FANK1: variants seen among roughly 807,000 people sequenced by gnomAD.
The protein encoded by FANK1 is fibronectin type III and ankyrin repeat domains 1.
Under a neutral mutation model 45.3 loss-of-function variants are expected in FANK1, and 44 were observed. The ratio of observed to expected loss-of-function variants is 0.97; its 90% CI spans 0.76 to 1.25. The LOEUF is 1.25. Among genes scored for constraint, FANK1 ranks in the 50% most tolerant of loss-of-function variants. FANK1 has a pLI of 0.00. For synonymous variants in FANK1, 149 were observed against 152.5 expected, an observed-to-expected ratio of 0.98 and a Z score of 0.17; for missense variants, 391 against 424.4, an observed-to-expected ratio of 0.92 and a Z score of 0.69.
At chr10:125,912,487 T>TG (rs1491372418) in intron 1 of FANK1, among the ~76,000 whole-genome samples, 30 of 141,910 alleles carry the variant, frequency 2.1e-4, no homozygotes, top group Middle Eastern at 3.7e-3. Flanking sequence ...TGTGTGTGTG[T>TG]TTTTGAGATT....
intron 2 of FANK1, among the ~76,000 whole-genome samples, chr10:125,984,198 G>A (rs548143565): frequency 3.5e-4 from 53 of 152,168 alleles, no homozygotes; most frequent in African/African-American, 1.2e-3. Flanking sequence ...ACCGTGGGTC[G>A]GCCAGGGCTC....
intron 1 of FANK1, among the ~76,000 whole-genome samples, chr10:125,926,612 T>C (rs1160426736): frequency 6.6e-6 from 1 of 152,306 alleles, no homozygotes; most frequent in African/African-American, 2.4e-5. Flanking sequence ...GTCAAAGTTG[T>C]TTTGATATAT....
intron 4 of FANK1, 63 bp downstream of exon 4, chr10:125,995,561 C>G: frequency 6.8e-7 from 1 of 1,463,616 alleles, no homozygotes; most frequent in Non-Finnish European, 9.6e-7. Context: ...GAAATACATG[C>G]AGTAGTTTCA....
At chr10:125,944,070 G>A (rs912047300) in intron 1 of FANK1, among the ~76,000 whole-genome samples, 1 of 152,158 alleles carries the variant, frequency 6.6e-6, no homozygotes, top group Admixed American at 6.5e-5. Flanking sequence ...ACAAAACTGC[G>A]TTTGAATTAT....
chr10:125,899,188 G>A (rs1020115530), intron 1 of FANK1, among the ~76,000 whole-genome samples: 1 of 152,236 alleles, frequency 6.6e-6, no homozygotes, highest in African/African-American at 2.4e-5. Flanking sequence ...AGCCTCCCAA[G>A]TAGCTGGGAT....
In FANK1 at chr10:125,922,642, G is replaced by A. The variant is rs538957100; in HGVS notation, c.13+25987G>A. Among the ~76,000 whole-genome samples, 13 of 152,262 alleles carry A rather than the reference G, an allele frequency of 8.5e-5. 1 individual carries two copies. The South Asian group carries it at 2.1e-3, about 24-fold the overall frequency. Reference sequence around the variant, plus strand: ...AGTGATCCTCCCACCTCAGCCTCCCGAATAGCTGGGTCTATAGGTGTGCTG... The same window carrying A: ...AGTGATCCTCCCACCTCAGCCTCCCAAATAGCTGGGTCTATAGGTGTGCTG... On this transcript the variant is annotated intron_variant, in intron 1 of 10. Transcript: ENST00000368693.
intron 1 of FANK1, among the ~76,000 whole-genome samples, chr10:125,976,673 A>G (rs1244056362): frequency 1.3e-5 from 2 of 151,496 alleles, no homozygotes; most frequent in East Asian, 1.9e-4. Context: ...CCCAGGCTGG[A>G]GTGCAGTGGA....
chr10:125,937,892 G>A (rs866456138), intron 1 of FANK1, among the ~76,000 whole-genome samples: 6 of 152,122 alleles, frequency 3.9e-5, no homozygotes, highest in Non-Finnish European at 7.4e-5. Context: ...CGCTTAACAG[G>A]TAGCTGCTAA....
At chr10:126,007,273 A>G (rs1216073154) in intron 7 of FANK1, 1 of 152,220 alleles carries the variant, frequency 6.6e-6, no homozygotes, top group Non-Finnish European at 1.5e-5. Flanking sequence ...CAGGAAAGGC[A>G]CTTCTCTGAG....
At chr10:125,969,276 A>G (rs1019705533) in intron 1 of FANK1, among the ~76,000 whole-genome samples, 8 of 152,068 alleles carry the variant, frequency 5.3e-5, no homozygotes, top group Non-Finnish European at 7.4e-5. Context: ...ATCTTTAGAA[A>G]AGTTAAAATA....
intron 1 of FANK1, among the ~76,000 whole-genome samples, chr10:125,930,451 C>G (rs1163615306): frequency 6.6e-6 from 1 of 152,130 alleles, no homozygotes; most frequent in East Asian, 1.9e-4. Flanking sequence ...ATCCTCCCAC[C>G]TCAGCCTCCT....
At chr10:125,935,032 T>C (rs1948005379) in intron 1 of FANK1, among the ~76,000 whole-genome samples, 2 of 152,086 alleles carry the variant, frequency 1.3e-5, no homozygotes, top group Non-Finnish European at 2.9e-5. Context: ...TGCCCCAATC[T>C]CTTCTGCCTG....
intron 1 of FANK1, among the ~76,000 whole-genome samples, chr10:125,921,792 A>G (rs1320739289): frequency 2.0e-5 from 3 of 152,138 alleles, no homozygotes; most frequent in African/African-American, 7.2e-5. Context: ...TGTCTACAGG[A>G]TTTGTAATAA....
chr10:125,976,519 T>C (rs1950863266), intron 1 of FANK1, among the ~76,000 whole-genome samples: 1 of 152,250 alleles, frequency 6.6e-6, no homozygotes, highest in Admixed American at 6.5e-5. Flanking sequence ...ATTTATTTTT[T>C]CATTTTTGTC....
intron 1 of FANK1, among the ~76,000 whole-genome samples, chr10:125,932,420 C>T (rs1947812232): frequency 6.6e-6 from 1 of 152,082 alleles, no homozygotes; most frequent in South Asian, 2.1e-4. Context: ...ATTTTGCCCC[C>T]TTGGTTAGGT....
chr10:125,896,609 G>C lies in FANK1; in HGVS notation c.-34G>C. 9 of 1,276,952 alleles carry C rather than the reference G, an allele frequency of 7.0e-6. No individual in the cohort carries two copies. The highest frequency in any genetic ancestry group is 8.9e-6 in the Non-Finnish European group (9 of 1,009,496). The allele number at this position is 1,276,952 out of a possible 1,614,324, so 79.1% of individuals were successfully genotyped here. A position where few individuals can be genotyped will look rare whatever the true frequency, so the allele number is the denominator to read the frequency against. On this transcript the variant is annotated 5_prime_UTR_variant, in exon 1 of 11. Transcript: ENST00000368693. ...TGGCTGAGAGGCGTTAGGAGTCCGG[G>C]GGTTCGCCCGCGGAGGCCGGGGAGC...
rs568156557 is a variant in FANK1, at chr10:126,008,220, G to A, written c.706-187G>A. 6.1e-4 allele frequency among the ~76,000 whole-genome samples: 93 copies of A among 152,248 alleles called. No individual in the cohort carries two copies. The Middle Eastern group carries it at 0.017, about 28-fold the overall frequency. ...TTTAAAGGATGTAGATGAAGAAGCCGGTGGGGAGACCCTGGGGCCTCTCAG... is the reference window on the plus strand; with the variant it reads ...TTTAAAGGATGTAGATGAAGAAGCCAGTGGGGAGACCCTGGGGCCTCTCAG... On this transcript the variant is annotated intron_variant, in intron 7 of 10. Coordinates refer to ENST00000368693, the MANE Select transcript of FANK1 (RefSeq NM_145235.5).
chr10:125,954,749 G>A (rs541701374), intron 1 of FANK1, among the ~76,000 whole-genome samples: 3 of 152,090 alleles, frequency 2.0e-5, no homozygotes, highest in Admixed American at 1.3e-4. Context: ...GTGAAACCCT[G>A]CCTCTACTAA....
intron 1 of FANK1, among the ~76,000 whole-genome samples, chr10:125,909,686 CTTTT>C (rs34854157): frequency 9.7e-6 from 1 of 103,264 alleles, no homozygotes; most frequent in Non-Finnish European, 1.9e-5. Flanking sequence ...GACCAATTAA[CTTTT>C]TTTTTTTTTT....
Sources: gnomAD v4.1 joint callset for allele counts (sites outside exome capture counted in the v4.1 genomes callset) on GRCh38, gnomAD v4.1.1 for gene constraint, MANE v1.5 for transcripts, NCBI Gene and HGNC (gene_info 2026-07-23, HGNC 2026-07-21) for gene names.